Variants in SLC25A48 observed in about 807,000 individuals in gnomAD.
The protein encoded by SLC25A48 is solute carrier family 25 member 48, also known as CTC-321K16.1.
Under a neutral mutation model 32.2 loss-of-function variants are expected in SLC25A48, and 29 were observed. That is an observed-to-expected ratio of 0.90 (90% CI 0.67 to 1.23). The LOEUF (loss-of-function observed/expected upper bound fraction) is 1.23. Among genes scored for constraint, SLC25A48 ranks in the 50% most tolerant of loss-of-function variants. SLC25A48 has a pLI of 0.00. For synonymous variants in SLC25A48, 164 were observed against 172.3 expected (o/e 0.95, Z 0.38); for missense variants, 399 against 422.7 (o/e 0.94, Z 0.49).
At position 135,888,119 on chromosome 5, in the gene SLC25A48, C is replaced by CTCCAAAGGAGG; in HGVS notation, c.*100_*101insAGGAGGTCCAA. ...AGCTGCAGATGTTTGGCCTTTGGAC[C>CTCCAAAGGAGG]TCCAAGTGGACATCAATTAGCAAGC... On this transcript the variant is annotated 3_prime_UTR_variant, in exon 8 of 8. Transcript: ENST00000681962. 4.5e-6 allele frequency: 7 copies of CTCCAAAGGAGG among 1,547,782 alleles called. No individual in the cohort carries two copies. Among genetic ancestry groups the CTCCAAAGGAGG allele is most frequent in the Non-Finnish European group, 6.1e-6 (7 of 1,143,810 alleles).
rs181280466 is a variant in SLC25A48, at chr5:135,633,059, C to T, written c.-708-1710C>T. On this transcript the variant is annotated intron_variant, in intron 2 of 10. Transcript: ENST00000646290. ...ATGTGGGAGGACTGCAGCCCTAAGA[C>T]GGGCAGTTATCTCTGCAGTTTAATA... Among the ~76,000 whole-genome samples the T allele has an allele frequency of 2.3e-3, 352 of 152,250 alleles. 5 individuals carry two copies. The highest frequency in any genetic ancestry group is 0.014 in the Middle Eastern group (4 of 294).
At chr5:135,873,912 T>A in intron 5 of SLC25A48, 109 bp from the exon 6 acceptor site, 1 of 1,246,400 alleles carries the variant, frequency 8.0e-7, no homozygotes, top group East Asian at 2.8e-5. Context: ...CTGAGCTCTG[T>A]CCCTTCTCCC....
intron 7 of SLC25A48, chr5:135,883,389 T>G: frequency 1.0e-6 from 1 of 985,448 alleles, no homozygotes; most frequent in Non-Finnish European, 1.2e-6. Context: ...GTAAACTCAC[T>G]GTGAATTCAT....
intron 3 of SLC25A48, among the ~76,000 whole-genome samples, chr5:135,789,339 G>A (rs1580881828): frequency 4.7e-5 from 7 of 149,992 alleles, no homozygotes; most frequent in East Asian, 4.0e-4. Flanking sequence ...CCCATGTGGC[G>A]GGGGGTGTAC....
chr5:135,758,717 TATG>T (rs1179981052), intron 3 of SLC25A48, among the ~76,000 whole-genome samples: 1 of 150,744 alleles, frequency 6.6e-6, no homozygotes, highest in Non-Finnish European at 1.5e-5. Context: ...GTTAACACAC[TATG>T]ATATTAATAG....
chr5:135,684,373 T>G (rs1753969822), intron 3 of SLC25A48, among the ~76,000 whole-genome samples: 1 of 152,106 alleles, frequency 6.6e-6, no homozygotes, highest in Admixed American at 6.5e-5. Context: ...AGATTGAGAT[T>G]TGCAGGACAG....
At chr5:135,687,645 C>T (rs566391171) in intron 3 of SLC25A48, among the ~76,000 whole-genome samples, 1 of 152,230 alleles carries the variant, frequency 6.6e-6, no homozygotes, top group South Asian at 2.1e-4. Flanking sequence ...GTCACAATTT[C>T]ATAAAGACTT....
At chr5:135,655,197 T>C (rs536710677) in intron 3 of SLC25A48, among the ~76,000 whole-genome samples, 166 of 152,192 alleles carry the variant, frequency 1.1e-3, no homozygotes, top group African/African-American at 3.8e-3. Flanking sequence ...CAGGGGAAGA[T>C]TCCAAAACCC....
At chr5:135,885,856 A>C (rs1762693932) in intron 7 of SLC25A48, among the ~76,000 whole-genome samples, 1 of 152,188 alleles carries the variant, frequency 6.6e-6, no homozygotes, top group Non-Finnish European at 1.5e-5. Context: ...TCTCACATAT[A>C]TTGTCATGGA....
chr5:135,701,536 T>C (rs1754396834), intron 3 of SLC25A48, among the ~76,000 whole-genome samples: 1 of 152,180 alleles, frequency 6.6e-6, no homozygotes, highest in East Asian at 1.9e-4. Context: ...AAGCTTTTGC[T>C]GTGCATTTTC....
intron 3 of SLC25A48, among the ~76,000 whole-genome samples, chr5:135,717,214 C>T (rs528274261): frequency 1.4e-4 from 22 of 152,272 alleles, no homozygotes; most frequent in African/African-American, 3.6e-4. Context: ...GCAAGAAACT[C>T]GTCTCCTGCA....
intron 3 of SLC25A48, among the ~76,000 whole-genome samples, chr5:135,712,371 G>A (rs1035694952): frequency 3.3e-5 from 5 of 152,156 alleles, no homozygotes; most frequent in Non-Finnish European, 7.3e-5. Flanking sequence ...TGTCTTTCAA[G>A]GTCAAATTTA....
intron 3 of SLC25A48, among the ~76,000 whole-genome samples, chr5:135,737,966 A>C (rs1359537898): frequency 6.6e-6 from 1 of 152,152 alleles, no homozygotes; most frequent in East Asian, 1.9e-4. Flanking sequence ...GAGCGACATC[A>C]TTGGAAAACC....
intron 4 of SLC25A48, among the ~76,000 whole-genome samples, chr5:135,861,625 G>C (rs1200236672): frequency 6.6e-6 from 1 of 152,132 alleles, no homozygotes; most frequent in Non-Finnish European, 1.5e-5. Context: ...TCTTCCTAAT[G>C]GTGAATATTT....
intron 3 of SLC25A48, among the ~76,000 whole-genome samples, chr5:135,778,022 C>T (rs62365736): frequency 0.3 from 45,818 of 151,096 alleles, 7,066 homozygotes; most frequent in East Asian, 0.46. Context: ...AATATCCAAA[C>T]GGGGAGAGGC....
chr5:135,788,479 T>C (rs1580880354), intron 3 of SLC25A48, among the ~76,000 whole-genome samples: 1 of 136,106 alleles, frequency 7.3e-6, no homozygotes, highest in South Asian at 2.4e-4. Flanking sequence ...GGGGAGAGGG[T>C]GATATTTCTT....
Position 135,629,507 on chromosome 5 carries a change from C to G in SLC25A48, c.-709+131C>G, listed in dbSNP as rs1752509308. The G allele has an allele frequency of 6.6e-6, 1 of 152,156 alleles. No individual in the cohort carries two copies. The highest frequency in any genetic ancestry group is 6.5e-5 in the Admixed American group (1 of 15,274). The allele number at this position is 152,156 out of a possible 1,614,324, so 9.4% of individuals were successfully genotyped here. ...TTATAAACGATCTTGGGCTTTGGAGCCACATAGACTTGGCCTCTAATCCCA... is the reference window on the plus strand; with the variant it reads ...TTATAAACGATCTTGGGCTTTGGAGGCACATAGACTTGGCCTCTAATCCCA... On this transcript the variant is annotated intron_variant, in intron 2 of 10. Coordinates refer to the SLC25A48 transcript ENST00000646290. The surrounding 1 kb of genome is among the most constrained non-coding windows in gnomAD (Gnocchi z 4.8).
chr5:135,662,388 G>A (rs894770292), intron 3 of SLC25A48, among the ~76,000 whole-genome samples: 6 of 152,170 alleles, frequency 3.9e-5, no homozygotes, highest in African/African-American at 1.4e-4. Context: ...CAGAGGGCCT[G>A]CAGCTCATGT....
intron 3 of SLC25A48, among the ~76,000 whole-genome samples, chr5:135,759,830 T>A (rs1420599994): frequency 1.2e-4 from 1 of 8,674 alleles, no homozygotes; most frequent in Non-Finnish European, 5.9e-4. Flanking sequence ...ATATATCATC[T>A]TTTTTTTTTT....
Sources: allele counts gnomAD v4.1 joint callset (sites outside exome capture counted in the v4.1 genomes callset), GRCh38; gene constraint gnomAD v4.1.1; non-coding constraint Gnocchi (gnomAD v3.1); transcripts MANE v1.5; gene names NCBI Gene and HGNC (gene_info 2026-07-23, HGNC 2026-07-21).